The following CDH18 variants were observed in gnomAD, a reference collection of about 807,000 sequenced individuals.
The protein encoded by CDH18 is cadherin 18, also known as cadherin-18.
In CDH18, 31 loss-of-function variants were observed where a neutral mutation model predicts 67.9. The ratio of observed to expected loss-of-function variants is 0.46; its 90% CI spans 0.34 to 0.62. The LOEUF (loss-of-function observed/expected upper bound fraction) is 0.62. Among genes scored for constraint, CDH18 ranks in the 20% least tolerant of loss-of-function variants. The probability of loss-of-function intolerance (pLI) is 0.01; values close to 1 mark genes in which losing one functional copy is unlikely to be tolerated. For missense variants in CDH18, 890 were observed against 975.5 expected, an observed-to-expected ratio of 0.91 and a Z score of 1.17; for synonymous variants, 362 against 347.2, an observed-to-expected ratio of 1.04 and a Z score of -0.48.
intron 5 of CDH18, among the ~76,000 whole-genome samples, chr5:19,626,751 T>A (rs958104164): frequency 6.6e-6 from 1 of 151,804 alleles, no homozygotes; most frequent in African/African-American, 2.4e-5. Flanking sequence ...AGCAGATTAG[T>A]TGTTGTTAAT....
At chr5:20,277,358 C>T (rs1004648908) in intron 1 of CDH18, among the ~76,000 whole-genome samples, 6 of 152,046 alleles carry the variant, frequency 3.9e-5, no homozygotes, top group Non-Finnish European at 8.8e-5. Context: ...AAAGAGTCTC[C>T]AACCAGTAAT....
intron 2 of CDH18, among the ~76,000 whole-genome samples, chr5:19,859,163 A>T (rs4391168): frequency 0.49 from 75,007 of 151,858 alleles, 18,626 homozygotes; most frequent in Middle Eastern, 0.63. Flanking sequence ...GGGCATTCCA[A>T]AGTTAACCTG....
intron 2 of CDH18, among the ~76,000 whole-genome samples, chr5:19,947,270 C>G: frequency 6.6e-6 from 1 of 151,882 alleles, no homozygotes; most frequent in South Asian, 2.1e-4. Context: ...AAAGCATACA[C>G]ACTGGAAATG....
At chr5:20,517,522 C>T (rs1210111928) in intron 1 of CDH18, among the ~76,000 whole-genome samples, 2 of 151,714 alleles carry the variant, frequency 1.3e-5, no homozygotes, top group Admixed American at 1.3e-4. Flanking sequence ...TTTTAAAATA[C>T]AAAGTAGACA....
At chr5:19,580,611 G>A (rs949104486) in intron 7 of CDH18, among the ~76,000 whole-genome samples, 3 of 151,690 alleles carry the variant, frequency 2.0e-5, no homozygotes, top group South Asian at 2.1e-4. Flanking sequence ...ACTTAACACC[G>A]ACCTATGCCC....
intron 2 of CDH18, among the ~76,000 whole-genome samples, chr5:20,060,832 A>T (rs1742408816): frequency 6.6e-6 from 1 of 152,124 alleles, no homozygotes; most frequent in Non-Finnish European, 1.5e-5. Flanking sequence ...CTATTTAAAA[A>T]TATATAATAA....
intron 2 of CDH18, among the ~76,000 whole-genome samples, chr5:19,937,639 C>T (rs147024730): frequency 4.0e-5 from 6 of 151,130 alleles, no homozygotes; most frequent in Admixed American, 6.6e-5. Context: ...AAAGTATAAC[C>T]GAACAATACC....
At chr5:19,626,544 G>A (rs1751579493) in intron 5 of CDH18, among the ~76,000 whole-genome samples, 1 of 152,042 alleles carries the variant, frequency 6.6e-6, no homozygotes, top group Non-Finnish European at 1.5e-5. Context: ...ATCATGAAGA[G>A]TGGCCTTGGA....
chr5:19,695,527 T>C (rs1001057257), intron 5 of CDH18, among the ~76,000 whole-genome samples: 2 of 152,212 alleles, frequency 1.3e-5, no homozygotes, highest in Non-Finnish European at 2.9e-5. Flanking sequence ...GAGGTTTTTT[T>C]TCGCTTGACA....
chr5:19,771,232 T>C (rs1773692636), intron 3 of CDH18, among the ~76,000 whole-genome samples: 2 of 152,192 alleles, frequency 1.3e-5, no homozygotes, highest in East Asian at 1.9e-4. Context: ...GGGTGGGACA[T>C]AGCGACTCCT....
At chr5:20,566,727 T>G in intron 1 of CDH18, among the ~76,000 whole-genome samples, 1 of 152,042 alleles carries the variant, frequency 6.6e-6, no homozygotes, top group African/African-American at 2.4e-5. Context: ...TTTTGGCTTG[T>G]TTGCTTATTT....
intron 1 of CDH18, among the ~76,000 whole-genome samples, chr5:20,324,184 T>C (rs1738315249): frequency 1.3e-5 from 2 of 152,224 alleles, no homozygotes; most frequent in Admixed American, 1.3e-4. Flanking sequence ...TGTGCAGTTG[T>C]GGATTTTGTA....
chr5:20,040,567 T>G (rs984868848), intron 2 of CDH18, among the ~76,000 whole-genome samples: 3 of 152,196 alleles, frequency 2.0e-5, no homozygotes, highest in African/African-American at 7.2e-5. Flanking sequence ...GGCATGAATA[T>G]GTTCTTCCAA....
chr5:19,489,397 G>C (rs754043179), intron 11 of CDH18, among the ~76,000 whole-genome samples: 1 of 151,576 alleles, frequency 6.6e-6, no homozygotes, highest in Admixed American at 6.6e-5. Flanking sequence ...ACAGGCGCCC[G>C]CCACCACACC....
chr5:19,893,265 A>C (rs1033497346), intron 2 of CDH18, among the ~76,000 whole-genome samples: 3 of 152,204 alleles, frequency 2.0e-5, no homozygotes. Context: ...GATTGTACTA[A>C]GCTATGCAGC....
chr5:19,597,926 C>T (rs1215959240), intron 6 of CDH18, among the ~76,000 whole-genome samples: 1 of 151,956 alleles, frequency 6.6e-6, no homozygotes, highest in African/African-American at 2.4e-5. Flanking sequence ...TGAGATGTAA[C>T]TAAGATGTCG....
At chr5:20,091,084 A>C (rs1465166278) in intron 2 of CDH18, among the ~76,000 whole-genome samples, 3 of 151,244 alleles carry the variant, frequency 2.0e-5, no homozygotes, top group Non-Finnish European at 4.4e-5. Flanking sequence ...AAAACAAAAC[A>C]AAAAAACCCT....
chr5:20,243,815 T>C (rs1037154517), intron 2 of CDH18, among the ~76,000 whole-genome samples: 4 of 152,120 alleles, frequency 2.6e-5, no homozygotes, highest in African/African-American at 7.2e-5. Flanking sequence ...AACTTTATAA[T>C]GGAAAGGCAC....
At chr5:20,560,908 A>G (rs965918661) in intron 1 of CDH18, among the ~76,000 whole-genome samples, 1 of 152,150 alleles carries the variant, frequency 6.6e-6, no homozygotes, top group Non-Finnish European at 1.5e-5. Context: ...AATACATCCT[A>G]AAAGTCAGCA....
Sources: gnomAD v4.1 joint callset for allele counts (sites outside exome capture counted in the v4.1 genomes callset) on GRCh38, gnomAD v4.1.1 for gene constraint, MANE v1.5 for transcripts, NCBI Gene and HGNC (gene_info 2026-07-23, HGNC 2026-07-21) for gene names.